RC3H2: variants seen among roughly 807,000 people sequenced by gnomAD.
RC3H2 encodes ring finger and CCCH-type domains 2, also known as roquin-2.
RC3H2 carries 31 observed loss-of-function variants against 133.3 expected under a neutral mutation model. That is an observed-to-expected ratio of 0.23 (90% CI 0.17 to 0.31). The LOEUF is 0.31. Ranked by LOEUF, RC3H2 falls within the 10% of genes least tolerant of loss-of-function variation. The pLI, the probability that RC3H2 is intolerant of heterozygous loss-of-function variation, is 1.00. For missense variants in RC3H2, 1,175 were observed against 1,437.2 expected, an observed-to-expected ratio of 0.82 and a Z score of 2.95; for synonymous variants, 517 against 502.2, an observed-to-expected ratio of 1.03 and a Z score of -0.40.
chr9:122,902,804 T>C (rs886848971), intron 1 of RC3H2, among the ~76,000 whole-genome samples: 7 of 146,266 alleles, frequency 4.8e-5, no homozygotes, highest in Non-Finnish European at 8.9e-5. Flanking sequence ...TGAACCCGAA[T>C]GGTGCCACTG....
chr9:122,890,086 A>G (rs1588106508), intron 4 of RC3H2: 1 of 604,510 alleles, frequency 1.7e-6, no homozygotes, highest in Non-Finnish European at 2.9e-6. Flanking sequence ...GGCTGCAGTG[A>G]GCCAAGACTG....
chr9:122,852,903 G>A (rs1339636116), intron 18 of RC3H2, among the ~76,000 whole-genome samples: 8 of 152,184 alleles, frequency 5.3e-5, no homozygotes, highest in East Asian at 1.9e-4. Context: ...CATTGAGAAC[G>A]GGCCATGATG....
intron 9 of RC3H2, among the ~76,000 whole-genome samples, chr9:122,868,652 A>G (rs1042657150): frequency 2.6e-5 from 4 of 151,846 alleles, no homozygotes; most frequent in Non-Finnish European, 4.4e-5. Context: ...ACCTCTGTTC[A>G]CTTGTTTATC....
At chr9:122,880,520 G>T in intron 6 of RC3H2, 74 bp downstream of exon 6, 1 of 1,150,848 alleles carries the variant, frequency 8.7e-7, no homozygotes. Flanking sequence ...TTTGTGTATA[G>T]ACTCTTTAGA....
rs1457208396 is a variant in RC3H2, at chr9:122,868,903, T to TTG, written c.1326-3247_1326-3246insCA. On this transcript the variant is annotated intron_variant, in intron 9 of 20. Coordinates refer to ENST00000357244, the MANE Select transcript of RC3H2 (RefSeq NM_001100588.3). ...TGTGTGTGTGTGTATGTGTTTTTTTTTTTTTTTTTTGTGGGGGGGTTAAGT... is the reference window on the plus strand; with the variant it reads ...TGTGTGTGTGTGTATGTGTTTTTTTTTGTTTTTTTTTTGTGGGGGGGTTAAGT... Among the ~76,000 whole-genome samples the TTG allele has an allele frequency of 1.7e-4, 20 of 120,490 alleles. 1 individual carries two copies. Among genetic ancestry groups the TTG allele is most frequent in the African/African-American group, 5.7e-4 (17 of 29,710 alleles). 79.0% of individuals were successfully genotyped at this position (120,490 alleles called of 152,430 possible). A position where few individuals can be genotyped will look rare whatever the true frequency, so the allele number is the denominator to read the frequency against.
chr9:122,904,134 T>C (rs1832752303), intron 1 of RC3H2, among the ~76,000 whole-genome samples: 1 of 152,128 alleles, frequency 6.6e-6, no homozygotes. Context: ...AAGCACTTTA[T>C]TTGGGATACA....
Position 122,899,090 on chromosome 9 carries a change from G to GGTTTTTTTTTTTTTTTTTTTTTTTTTT in RC3H2, c.-67-1515_-67-1514insAAAAAAAAAAAAAAAAAAAAAAAAAAC, listed in dbSNP as rs1564322863. Among the ~76,000 whole-genome samples, 2 of 88,410 alleles carry GGTTTTTTTTTTTTTTTTTTTTTTTTTT rather than the reference G, an allele frequency of 2.3e-5. 1 individual carries two copies. The allele number at this position is 88,410 out of a possible 152,430, so 58.0% of individuals were successfully genotyped here. ...AAAAAATTCTATTAGCCTTTATTGT[G>GGTTTTTTTTTTTTTTTTTTTTTTTTTT]TTTTTTTTTTTTTTTTTTTTTTTTT... On this transcript the variant is annotated intron_variant, in intron 1 of 20. Transcript: ENST00000357244.
rs1429536475 is a variant in RC3H2 at position 122,890,298 on chromosome 9, G to GGT, written c.583+13_583+14insAC. 3.7e-6 allele frequency: 6 copies of GGT among 1,609,446 alleles called. No individual in the cohort carries two copies. In the Middle Eastern group the frequency reaches 5.0e-4, roughly 133 times the overall value. ...AATAGCTAATAAAAAAGGTAAGATA[G>GGT]TAACCTATCTTACCTGGCCCTAAAA... On this transcript the variant is annotated intron_variant, in intron 4 of 20. Transcript: ENST00000357244.
chr9:122,854,346 T>G, intron 16 of RC3H2, 80 bp from the exon 17 acceptor site: 1 of 1,327,154 alleles, frequency 7.5e-7, no homozygotes, highest in Admixed American at 1.9e-5. Flanking sequence ...ATGTTTTATG[T>G]GACAGATCAA....
rs1830341282 is a variant in RC3H2, at chr9:122,858,684, A to C, written c.2268T>G (p.Thr756=). 2.5e-6 allele frequency: 4 copies of C among 1,609,688 alleles called. No individual in the cohort carries two copies. In the African/African-American group the frequency reaches 4.0e-5, roughly 16 times the overall value. The change falls in exon 12 of 21, where the codon ACT becomes ACG. Residue 756 remains threonine, a synonymous_variant. Coordinates refer to ENST00000357244, the MANE Select transcript of RC3H2 (RefSeq NM_001100588.3). ...CTTCACTTACCCTTGGTAAAGGCAC[A>C]GTTGTCCTTGGCTCACTTGGTGGCT... ...ACQPPSEPRT[T]VPLPREPCGH... is the part of the protein sequence containing the mutation.
At chr9:122,850,608 A>G (rs1829985804) in intron 20 of RC3H2, among the ~76,000 whole-genome samples, 1 of 151,348 alleles carries the variant, frequency 6.6e-6, no homozygotes, top group South Asian at 2.1e-4. Context: ...ATGCCCAGCT[A>G]ATTTTTTTGT....
intron 5 of RC3H2, among the ~76,000 whole-genome samples, chr9:122,882,186 A>T (rs535256042): frequency 1.3e-5 from 2 of 152,332 alleles, no homozygotes; most frequent in African/African-American, 4.8e-5. Context: ...AGTAAAAAAA[A>T]CTACACATTC....
rs573984276 is a variant in RC3H2, at chr9:122,848,025, C to G, written c.*1602G>C. The stretch of plus-strand genomic sequence containing the variant: ...TTTCAGGGAAATGTCAACCCTCCCG[C>G]CCCTGGAAATGTGCACAAAACTTTT... On this transcript the variant is annotated 3_prime_UTR_variant, in exon 21 of 21. Coordinates refer to ENST00000357244, the MANE Select transcript of RC3H2 (RefSeq NM_001100588.3). 2.0e-5 allele frequency: 3 copies of G among 152,112 alleles called. No individual in the cohort carries two copies. Among genetic ancestry groups the G allele is most frequent in the African/African-American group, 7.2e-5 (3 of 41,424 alleles). 9.4% of individuals were successfully genotyped at this position (152,112 alleles called of 1,614,324 possible).
chr9:122,885,530 T>A (rs936524629), intron 4 of RC3H2, among the ~76,000 whole-genome samples: 5 of 152,176 alleles, frequency 3.3e-5, no homozygotes, highest in African/African-American at 9.7e-5. Context: ...ACCAACAAAA[T>A]TGGAACTATA....
Position 122,851,192 on chromosome 9 carries a change from T to C in RC3H2, c.3269A>G (p.Asn1090Ser). ...LDIQLGISSQNDQLLNGMAVE... is the reference protein window; with the variant it reads ...LDIQLGISSQSDQLLNGMAVE... ...TGCCATTCCATTTAGCAACTGATCA[T>C]TTTGAGAACTGATACCAAGCTGTAT... The change falls in exon 20 of 21, where the codon AAT becomes AGT. Residue 1090 changes from asparagine (N) to serine (S), a missense_variant. Around this residue, in one of 8 missense-constraint regions of RC3H2, gnomAD observed 220 missense variants for 201.1 expected, o/e 1.09. Coordinates refer to ENST00000357244, the MANE Select transcript of RC3H2 (RefSeq NM_001100588.3). 6.2e-7 allele frequency: 1 copy of C among 1,614,138 alleles called. No individual in the cohort carries two copies. Among genetic ancestry groups the C allele is most frequent in the Non-Finnish European group, 8.5e-7 (1 of 1,179,966 alleles).
At position 122,882,322 on chromosome 9, in the gene RC3H2, T is replaced by C. The variant is rs557135691; in HGVS notation, c.759+882A>G. On this transcript the variant is annotated intron_variant, in intron 5 of 20. Transcript: ENST00000357244. The stretch of plus-strand genomic sequence containing the variant: ...TGAGGCAGCTAGTGTCCAAGCCTCA[T>C]TAGTGGAGTTAAATGAATTCACTTC... 1.2e-4 allele frequency among the ~76,000 whole-genome samples: 19 copies of C among 152,328 alleles called. No individual in the cohort carries two copies. In the East Asian group the frequency reaches 3.5e-3, roughly 28 times the overall value.
chr9:122,897,753 G>C, intron 1 of RC3H2, 177 bp from the exon 2 acceptor site: 1 of 488,506 alleles, frequency 2.0e-6, no homozygotes, highest in South Asian at 2.6e-5. Context: ...CTGAAATTCT[G>C]CCTGGAAACA....
intron 3 of RC3H2, among the ~76,000 whole-genome samples, chr9:122,891,378 C>T (rs1317042150): frequency 1.3e-5 from 2 of 152,056 alleles, no homozygotes; most frequent in African/African-American, 4.8e-5. Context: ...TGTCTATACT[C>T]GCTATTTCCT....
intron 1 of RC3H2, among the ~76,000 whole-genome samples, chr9:122,900,545 A>G (rs1257762980): frequency 6.6e-6 from 1 of 152,184 alleles, no homozygotes; most frequent in Non-Finnish European, 1.5e-5. Context: ...TAAATATCCT[A>G]TAGTTTTTAT....
Sources: allele counts gnomAD v4.1 joint callset (sites outside exome capture counted in the v4.1 genomes callset), GRCh38; gene constraint gnomAD v4.1.1; regional missense constraint gnomAD v4.1.1; transcripts MANE v1.5; gene names NCBI Gene and HGNC (gene_info 2026-07-23, HGNC 2026-07-21).